Variants in ZNF766 observed in about 807,000 individuals in gnomAD.
The protein encoded by ZNF766 is zinc finger protein 766.
Under a neutral mutation model 13.2 loss-of-function variants are expected in ZNF766, and 13 were observed. The ratio of observed to expected loss-of-function variants is 0.98; its 90% CI spans 0.64 to 1.56. ZNF766 has a LOEUF of 1.56. ZNF766 is among the 40% of genes most tolerant of loss of function. The pLI is 0.00. For missense variants in ZNF766, 521 were observed against 552.2 expected (o/e 0.94, Z 0.57); for synonymous variants, 178 against 187.6 (o/e 0.95, Z 0.42).
rs773754782 is a variant in ZNF766, at chr19:52,290,335, A to C, written c.544A>C (p.Ile182Leu). The C allele has an allele frequency of 6.2e-7, 1 of 1,614,148 alleles. No homozygotes were observed. Among genetic ancestry groups the C allele is most frequent in the East Asian group, 2.2e-5 (1 of 44,890 alleles). Reference protein sequence around the residue: ...PLLSQEQKAHIRRKPYECNEQ... With the variant: ...PLLSQEQKAHLRRKPYECNEQ... ...GCTGTCACAAGAACAGAAAGCACAC[A>C]TTAGGAGAAAACCTTACGAATGTAA... The change falls in exon 4 of 4, where the codon ATT becomes CTT. Residue 182 changes from isoleucine (I) to leucine (L), a missense_variant. By Grantham distance (5) the Ile-to-Leu change is conservative (BLOSUM62 2). Transcript: ENST00000439461.
chr19:52,285,742 G>A (rs1321240876), intron 3 of ZNF766, among the ~76,000 whole-genome samples: 1 of 152,196 alleles, frequency 6.6e-6, no homozygotes, highest in Non-Finnish European at 1.5e-5. Flanking sequence ...CCTCTCTGGG[G>A]AGGTCTTAAG....
At chr19:52,286,926 A>G (rs570634591) in intron 3 of ZNF766, among the ~76,000 whole-genome samples, 3 of 151,900 alleles carry the variant, frequency 2.0e-5, no homozygotes, top group African/African-American at 7.3e-5. Context: ...GCCTCTGCCT[A>G]CTGGGCTCAA....
chr19:52,295,074 A>G lies in ZNF766; in HGVS notation c.*3876A>G, dbSNP rs1239438982. ...CAATATATTCCATGGTTCATTTTCA[A>G]CTCTAATAAAATTATATTTTGTGTT... On this transcript the variant is annotated 3_prime_UTR_variant, in exon 4 of 4. Transcript: ENST00000439461. 6.6e-6 allele frequency: 1 copy of G among 151,780 alleles called. No individual in the cohort carries two copies. Among genetic ancestry groups the G allele is most frequent in the East Asian group, 1.9e-4 (1 of 5,188 alleles). The allele number at this position is 151,780 out of a possible 1,614,324, so 9.4% of individuals were successfully genotyped here.
rs113570837 is a variant in ZNF766, at chr19:52,290,192, A to G, written c.401A>G (p.Asn134Ser). 1.9e-6 allele frequency: 3 copies of G among 1,614,042 alleles called. No homozygotes were observed. In the African/African-American group the frequency reaches 4.0e-5, roughly 22 times the overall value. Reference protein sequence around the residue: ...FQGEGKIYECNQVQKFISHSS... With the variant: ...FQGEGKIYECSQVQKFISHSS... ...GGTGAAGGGAAGATTTATGAATGTA[A>G]TCAAGTTCAAAAGTTCATCAGCCAC... The change falls in exon 4 of 4, where the codon AAT becomes AGT. Residue 134 changes from asparagine (N) to serine (S), a missense_variant. Transcript: ENST00000439461.
chr19:52,274,363 T>C (rs147040431), intron 1 of ZNF766: 12 of 152,646 alleles, frequency 7.9e-5, no homozygotes, highest in African/African-American at 1.2e-4. Flanking sequence ...GCTGAAAAAT[T>C]CCCGTTGCCT....
intron 3 of ZNF766, among the ~76,000 whole-genome samples, chr19:52,286,909 C>G (rs1294488111): frequency 6.6e-6 from 1 of 152,156 alleles, no homozygotes. Flanking sequence ...GATCTCGGCC[C>G]ACTGCAGCCT....
intron 1 of ZNF766, among the ~76,000 whole-genome samples, chr19:52,279,163 T>C (rs937221278): frequency 2.0e-5 from 3 of 152,344 alleles, no homozygotes; most frequent in African/African-American, 7.2e-5. Flanking sequence ...TTGTCAGCTT[T>C]GTCAAAGATC....
In ZNF766 at chr19:52,283,269, T is replaced by A. The variant is rs181847462; in HGVS notation, c.146-16T>A. ...GAGACATCACAGCACATCTTGATTC[T>A]TTCTTTTATAAACAGGAATCTGTCT... On this transcript the variant is annotated splice_polypyrimidine_tract_variant and intron_variant, in intron 2 of 3. Transcript: ENST00000439461. The A allele has an allele frequency of 5.8e-5, 93 of 1,610,344 alleles. No homozygotes were observed. In the African/African-American group the frequency reaches 1.1e-3, roughly 19 times the overall value.
rs923449566 is a variant in ZNF766, at chr19:52,291,614, C to T, written c.*416C>T. The T allele has an allele frequency of 6.1e-5, 10 of 163,366 alleles. No individual in the cohort carries two copies. Among genetic ancestry groups the T allele is most frequent in the Admixed American group, 5.9e-4 (10 of 16,938 alleles). The allele number at this position is 163,366 out of a possible 1,614,324, so 10.1% of individuals were successfully genotyped here. A position where few individuals can be genotyped will look rare whatever the true frequency, so the allele number is the denominator to read the frequency against. On this transcript the variant is annotated 3_prime_UTR_variant, in exon 4 of 4. Transcript: ENST00000439461. ...TCTACTATAAATACAAAAAAATTAG[C>T]CAGGCGTGGTGGCACATGCCTGCAA...
At position 52,290,367 on chromosome 19, in the gene ZNF766, G is replaced by C; in HGVS notation, c.576G>C (p.Gln192His). The C allele has an allele frequency of 6.2e-7, 1 of 1,614,056 alleles. No individual in the cohort carries two copies. Among genetic ancestry groups the C allele is most frequent in the Middle Eastern group, 1.6e-4 (1 of 6,062 alleles). The change falls in exon 4 of 4, where the codon CAG (glutamine) becomes CAC (histidine). Residue 192 changes from glutamine to histidine, a missense_variant. Gln to His is a conservative substitution (Grantham distance 24, BLOSUM62 0). Transcript: ENST00000439461. ...IRRKPYECNE[Q>H]GKVFRVSSSL... ...GAAAACCTTACGAATGTAATGAGCAGGGCAAAGTCTTCAGAGTGTCTTCAA... is the reference window on the plus strand; with the variant it reads ...GAAAACCTTACGAATGTAATGAGCACGGCAAAGTCTTCAGAGTGTCTTCAA...
At chr19:52,272,149 C>T (rs1043349640) in intron 1 of ZNF766, among the ~76,000 whole-genome samples, 1 of 152,098 alleles carries the variant, frequency 6.6e-6, no homozygotes, top group African/African-American at 2.4e-5. Flanking sequence ...ATATTTCTGT[C>T]TTCAGTCTTG....
chr19:52,280,016 G>A lies in ZNF766; in HGVS notation c.19-2095G>A, dbSNP rs1193151638. Among the ~76,000 whole-genome samples the A allele has an allele frequency of 4.6e-5, 7 of 151,758 alleles. No individual in the cohort carries two copies. In the East Asian group the frequency reaches 5.8e-4, roughly 13 times the overall value. On this transcript the variant is annotated intron_variant, in intron 1 of 3. Transcript: ENST00000439461. ...TCACCATGTTGGCCAGGCTGGTCTC[G>A]AACTCCTCACCTCAGGTGATCCGCC...
intron 3 of ZNF766, 28 bp downstream of exon 3, chr19:52,283,441 G>A (rs1356699158): frequency 1.3e-6 from 2 of 1,510,144 alleles, no homozygotes; most frequent in Non-Finnish European, 1.8e-6. Context: ...CAGAGTGAAA[G>A]CCACACTTTT....
chr19:52,286,619 G>T (rs1294373080), intron 3 of ZNF766, among the ~76,000 whole-genome samples: 1 of 152,064 alleles, frequency 6.6e-6, no homozygotes, highest in Non-Finnish European at 1.5e-5. Flanking sequence ...ATGTTTTTCT[G>T]CATCAGCTGA....
rs1368008245 is a variant in ZNF766 at position 52,282,187 on chromosome 19, C to T, written c.95C>T (p.Ala32Val). Residue 32 changes from alanine (A) to valine (V), a missense_variant, in exon 2 of 4, where the codon GCT (alanine) becomes GTT (valine). By Grantham distance (64) the Ala-to-Val change is moderately conservative. Transcript: ENST00000439461. ...AAATGCCTGGACCCTGTGCAGAAGG[C>T]TTTATACAGGGATGTGATGTTGGAG... ...EWKCLDPVQK[A>V]LYRDVMLENY... The T allele has an allele frequency of 6.8e-6, 11 of 1,605,978 alleles. No homozygotes were observed. The highest frequency in any genetic ancestry group is 9.4e-6 in the Non-Finnish European group (11 of 1,174,772).
intron 2 of ZNF766, chr19:52,282,469 G>A: frequency 3.2e-6 from 1 of 307,930 alleles, no homozygotes; most frequent in Non-Finnish European, 6.1e-6. Context: ...AACCCCATCT[G>A]TACTAAAAAT....
At chr19:52,280,395 T>TA (rs900192141) in intron 1 of ZNF766, among the ~76,000 whole-genome samples, 1 of 152,050 alleles carries the variant, frequency 6.6e-6, no homozygotes, top group African/African-American at 2.4e-5. Flanking sequence ...AAATATCATC[T>TA]AAAAAATAGG....
rs1194488344 is a variant in ZNF766 at position 52,293,171 on chromosome 19, TC to T, written c.*1975del. 5 of 142,484 alleles carry T rather than the reference TC, an allele frequency of 3.5e-5. No homozygotes were observed. Among genetic ancestry groups the T allele is most frequent in the Admixed American group, 2.8e-4 (4 of 14,186 alleles). The allele number at this position is 142,484 out of a possible 1,614,324, so 8.8% of individuals were successfully genotyped here. On this transcript the variant is annotated 3_prime_UTR_variant, in exon 4 of 4. Coordinates refer to ENST00000439461, the MANE Select transcript of ZNF766 (RefSeq NM_001010851.3). The stretch of plus-strand genomic sequence containing the variant: ...CATCCTTTTTATGGCTGCATAGTAT[TC>T]CTTTTTTTTTTTTTTTTTTGAGATG...
chr19:52,290,777 G>T lies in ZNF766; in HGVS notation c.986G>T (p.Cys329Phe). ...RIHTGEKLYKCNKCGKEFSGH... is the reference protein window; with the variant it reads ...RIHTGEKLYKFNKCGKEFSGH... ...CATACAGGAGAGAAACTTTACAAAT[G>T]TAATAAATGTGGCAAAGAATTTAGT... Residue 329 changes from cysteine (C) to phenylalanine (F), a missense_variant, in exon 4 of 4, where the codon TGT becomes TTT. By Grantham distance (205) the Cys-to-Phe change is radical. Transcript: ENST00000439461. The T allele has an allele frequency of 1.2e-6, 2 of 1,613,902 alleles. No individual in the cohort carries two copies. Among genetic ancestry groups the T allele is most frequent in the Non-Finnish European group, 1.7e-6 (2 of 1,179,854 alleles).
Sources: allele counts gnomAD v4.1 joint callset (sites outside exome capture counted in the v4.1 genomes callset), GRCh38; gene constraint gnomAD v4.1.1; transcripts MANE v1.5; gene names NCBI Gene and HGNC (gene_info 2026-07-23, HGNC 2026-07-21).